The following PRELID2 variants were observed in gnomAD, a reference collection of about 807,000 sequenced individuals.
PRELID2 encodes PRELI domain-containing protein 2.
PRELID2 carries 25 observed loss-of-function variants against 28.4 expected under a neutral mutation model. The observed-to-expected ratio is 0.88, with a 90% CI of 0.64 to 1.23. PRELID2 has a LOEUF of 1.23. Ranked by LOEUF, PRELID2 falls within the 50% of genes most tolerant of loss-of-function variation. PRELID2 has a pLI of 0.00. For synonymous variants in PRELID2, 76 were observed against 71.6 expected (o/e 1.06, Z -0.31); for missense variants, 201 against 214.4 (o/e 0.94, Z 0.39).
the PRELID2 span, among the ~76,000 whole-genome samples, chr5:145,410,977 G>T: frequency 6.6e-6 from 1 of 151,908 alleles, no homozygotes; most frequent in Non-Finnish European, 1.5e-5. Context: ...GGTGGTACAG[G>T]CATTGGGTAA....
chr5:145,576,374 CGG>C, intron 1 of PRELID2, among the ~76,000 whole-genome samples: 1 of 152,198 alleles, frequency 6.6e-6, no homozygotes. Flanking sequence ...ATACAACATG[CGG>C]TCTTTTGTGT....
intron 1 of PRELID2, among the ~76,000 whole-genome samples, chr5:145,539,637 A>T (rs1752730396): frequency 6.6e-6 from 1 of 152,014 alleles, no homozygotes; most frequent in Admixed American, 6.6e-5. Context: ...TATAAAAATT[A>T]AAGCAATAAA....
At chr5:145,794,892 T>C (rs1019959002) in intron 5 of PRELID2, among the ~76,000 whole-genome samples, 5 of 152,140 alleles carry the variant, frequency 3.3e-5, no homozygotes. Context: ...AGGGGTTAGC[T>C]ATACCCTACA....
chr5:145,821,987 A>G (rs1460605822), intron 2 of PRELID2, among the ~76,000 whole-genome samples: 1 of 152,238 alleles, frequency 6.6e-6, no homozygotes, highest in Admixed American at 6.5e-5. Flanking sequence ...CACTGCAGGT[A>G]CATGAGAAAA....
chr5:145,299,018 T>A, the PRELID2 span, among the ~76,000 whole-genome samples: 1 of 152,106 alleles, frequency 6.6e-6, no homozygotes, highest in African/African-American at 2.4e-5. Context: ...TTTGCAATAC[T>A]TATATATTTC....
At chr5:145,767,257 G>A (rs1212023439) in intron 5 of PRELID2, among the ~76,000 whole-genome samples, 1 of 151,786 alleles carries the variant, frequency 6.6e-6, no homozygotes, top group African/African-American at 2.4e-5. Flanking sequence ...ATGGCTTGAT[G>A]GCAGGACCTC....
chr5:145,753,701 G>A (rs1757184359), downstream of PRELID2, among the ~76,000 whole-genome samples: 1 of 152,158 alleles, frequency 6.6e-6, no homozygotes, highest in Admixed American at 6.5e-5. Context: ...CATCAGGCCA[G>A]CAACACTGAC....
the PRELID2 span, among the ~76,000 whole-genome samples, chr5:145,260,433 A>G: frequency 6.6e-6 from 1 of 152,226 alleles, no homozygotes; most frequent in Non-Finnish European, 1.5e-5. Flanking sequence ...ACATATCAGA[A>G]GACTTAAACA....
the PRELID2 span, among the ~76,000 whole-genome samples, chr5:145,425,352 C>A: frequency 6.6e-6 from 1 of 152,140 alleles, no homozygotes; most frequent in African/African-American, 2.4e-5. Flanking sequence ...TATGGTGATT[C>A]CTCAAAGAGC....
intron 1 of PRELID2, among the ~76,000 whole-genome samples, chr5:145,526,020 C>T (rs1052966022): frequency 3.9e-5 from 6 of 152,212 alleles, no homozygotes; most frequent in South Asian, 2.1e-4. Context: ...ACAGGCCTTA[C>T]GAGTAAGTTG....
the PRELID2 span, among the ~76,000 whole-genome samples, chr5:145,271,016 G>C: frequency 2.6e-5 from 4 of 152,106 alleles, no homozygotes; most frequent in African/African-American, 9.7e-5. Context: ...CAGCAGGAGA[G>C]AGAAGAGTGA....
intron 1 of PRELID2, among the ~76,000 whole-genome samples, chr5:145,514,091 C>T (rs377322266): frequency 1.5e-4 from 23 of 152,128 alleles, no homozygotes; most frequent in African/African-American, 3.6e-4. Flanking sequence ...CATGAACTAA[C>T]GGGCAAAATT....
the PRELID2 span, among the ~76,000 whole-genome samples, chr5:145,354,889 G>A: frequency 6.6e-6 from 1 of 152,100 alleles, no homozygotes; most frequent in East Asian, 1.9e-4. Context: ...TTGTTCATTT[G>A]AGCTGCTCAA....
chr5:145,680,363 A>T (rs1450609728), intron 1 of PRELID2, among the ~76,000 whole-genome samples: 1 of 152,166 alleles, frequency 6.6e-6, no homozygotes, highest in Non-Finnish European at 1.5e-5. Flanking sequence ...TGTGCCCCCT[A>T]GGGGCTGGGG....
chr5:145,384,565 T>C, the PRELID2 span, among the ~76,000 whole-genome samples: 1 of 152,186 alleles, frequency 6.6e-6, no homozygotes, highest in Non-Finnish European at 1.5e-5. Context: ...AAATAATCTG[T>C]GGTAATCGTA....
the PRELID2 span, among the ~76,000 whole-genome samples, chr5:145,440,260 C>A: frequency 1.4e-3 from 218 of 152,200 alleles, 1 homozygote; most frequent in Non-Finnish European, 2.4e-3. Context: ...GAGGATAGAG[C>A]CTTCCCCAAA....
chr5:145,517,107 C>T (rs1752523869), intron 1 of PRELID2, among the ~76,000 whole-genome samples: 1 of 152,042 alleles, frequency 6.6e-6, no homozygotes, highest in South Asian at 2.1e-4. Flanking sequence ...ACACCAAAAG[C>T]AATGGTAACA....
At chr5:145,817,446 T>G (rs77927074) in intron 4 of PRELID2, among the ~76,000 whole-genome samples, 1 of 140,288 alleles carries the variant, frequency 7.1e-6, no homozygotes, top group Non-Finnish European at 1.5e-5. Context: ...TATATATATA[T>G]ATCACATGGT....
At chr5:145,472,943 T>A (rs542265389) in intron 2 of PRELID2, among the ~76,000 whole-genome samples, 12 of 152,090 alleles carry the variant, frequency 7.9e-5, no homozygotes, top group Non-Finnish European at 1.3e-4. Flanking sequence ...CTGACCTACC[T>A]TTTTTTAAGG....
Sources: allele counts gnomAD v4.1 joint callset (sites outside exome capture counted in the v4.1 genomes callset), GRCh38; gene constraint gnomAD v4.1.1; transcripts MANE v1.5; gene names NCBI Gene and HGNC (gene_info 2026-07-23, HGNC 2026-07-21).